The following SAP30L variants were observed in gnomAD, a reference collection of about 807,000 sequenced individuals.
The protein encoded by SAP30L is histone deacetylase complex subunit SAP30L.
SAP30L carries 10 observed loss-of-function variants against 22.3 expected under a neutral mutation model. The observed-to-expected ratio is 0.45, with a 90% CI of 0.28 to 0.76. SAP30L has a LOEUF of 0.76. SAP30L is among the 30% of genes least tolerant of loss of function. The pLI, the probability that SAP30L is intolerant of heterozygous loss-of-function variation, is 0.14. For missense variants in SAP30L, 206 were observed against 237.9 expected, an observed-to-expected ratio of 0.87 and a Z score of 0.88; for synonymous variants, 91 against 94.1, an observed-to-expected ratio of 0.97 and a Z score of 0.19.
rs1756980184 is a variant in SAP30L at position 154,446,001 on chromosome 5, T to G, written c.-604T>G. On this transcript the variant is annotated 5_prime_UTR_variant, in exon 1 of 4. Transcript: ENST00000297109. ...GGGCGGGGGGAGCGAACTGTTGTGGTGCGGAGCGTTCGGCGGGCGGCGGCC... is the reference window on the plus strand; with the variant it reads ...GGGCGGGGGGAGCGAACTGTTGTGGGGCGGAGCGTTCGGCGGGCGGCGGCC... The G allele has an allele frequency of 6.5e-6, 1 of 153,302 alleles. No homozygotes were observed. Among genetic ancestry groups the G allele is most frequent in the South Asian group, 2.1e-4 (1 of 4,866 alleles). The allele number at this position is 153,302 out of a possible 1,614,324, so 9.5% of individuals were successfully genotyped here.
rs547489038 is a variant in SAP30L at position 154,448,422 on chromosome 5, A to C, written c.201+1617A>C. Among the ~76,000 whole-genome samples, 16 of 152,336 alleles carry C rather than the reference A, an allele frequency of 1.1e-4. 1 individual carries two copies. In the South Asian group the frequency reaches 3.1e-3, roughly 30 times the overall value. On this transcript the variant is annotated intron_variant, in intron 1 of 3. Coordinates refer to ENST00000297109, the MANE Select transcript of SAP30L (RefSeq NM_024632.6). ...TCTTACTACAAATCTCTATCAATGA[A>C]TGCATGAATGGAAATATCTGAGAAC...
At chr5:154,455,180 A>G (rs923179107) in intron 3 of SAP30L, among the ~76,000 whole-genome samples, 17 of 152,098 alleles carry the variant, frequency 1.1e-4, no homozygotes, top group Non-Finnish European at 1.6e-4. Context: ...GGCCTCCCAA[A>G]GTGCTAGGAT....
intron 1 of SAP30L, among the ~76,000 whole-genome samples, chr5:154,447,896 A>G (rs994572575): frequency 2.6e-5 from 4 of 151,538 alleles, no homozygotes; most frequent in African/African-American, 7.3e-5. Context: ...AGCCCTATAC[A>G]TAAGTCTTCA....
At position 154,457,128 on chromosome 5, in the gene SAP30L, C is replaced by T. The variant is rs1757278778; in HGVS notation, c.*1100C>T. On this transcript the variant is annotated 3_prime_UTR_variant, in exon 4 of 4. Coordinates refer to ENST00000297109, the MANE Select transcript of SAP30L (RefSeq NM_024632.6). Reference sequence around the variant, plus strand: ...GATGCTCATTTTTGTGAACAATTTGCCTCCCTCTTAGGGAGAAAGATTGCT... The same window carrying T: ...GATGCTCATTTTTGTGAACAATTTGTCTCCCTCTTAGGGAGAAAGATTGCT... 1 of 152,104 alleles carries T rather than the reference C, an allele frequency of 6.6e-6. No individual in the cohort carries two copies. The highest frequency in any genetic ancestry group is 1.5e-5 in the Non-Finnish European group (1 of 68,014). The allele number at this position is 152,104 out of a possible 1,614,324, so 9.4% of individuals were successfully genotyped here. A position where few individuals can be genotyped will look rare whatever the true frequency, so the allele number is the denominator to read the frequency against.
rs1198063646 is a variant in SAP30L, at chr5:154,460,909, C to T, written c.*4881C>T. 1 of 152,104 alleles carries T rather than the reference C, an allele frequency of 6.6e-6. No individual in the cohort carries two copies. 9.4% of individuals were successfully genotyped at this position (152,104 alleles called of 1,614,324 possible). On this transcript the variant is annotated 3_prime_UTR_variant, in exon 4 of 4. Coordinates refer to ENST00000297109, the MANE Select transcript of SAP30L (RefSeq NM_024632.6). Reference sequence around the variant, plus strand: ...ATCTGGGGGATCATTTGTATTTTAACTTCGTAATCTATGGCTCTGTACTGT... The same window carrying T: ...ATCTGGGGGATCATTTGTATTTTAATTTCGTAATCTATGGCTCTGTACTGT...
chr5:154,451,167 G>A lies in SAP30L; in HGVS notation c.278G>A (p.Ser93Asn). ...SVRNKRKRKT[S>N]DDGGDSPEHD... is the part of the protein sequence containing the mutation. ...CGAAATAAAAGGAAGAGGAAGACAAGTGACGATGGCGGAGATTCTCCCGAG... is the reference window on the plus strand; with the variant it reads ...CGAAATAAAAGGAAGAGGAAGACAAATGACGATGGCGGAGATTCTCCCGAG... The change falls in exon 2 of 4, where the codon AGT becomes AAT. Residue 93 changes from serine to asparagine, a missense_variant. Physicochemically the swap from Ser to Asn is conservative, Grantham distance 46. Around this residue, in one of 2 missense-constraint regions of SAP30L, gnomAD observed 136 missense variants for 187.4 expected, o/e 0.73. Transcript: ENST00000297109. 1 of 1,614,184 alleles carries A rather than the reference G, an allele frequency of 6.2e-7. No homozygotes were observed. The highest frequency in any genetic ancestry group is 8.5e-7 in the Non-Finnish European group (1 of 1,180,028).
chr5:154,452,182 TAGAA>T (rs1757156590), intron 2 of SAP30L, among the ~76,000 whole-genome samples: 1 of 152,122 alleles, frequency 6.6e-6, no homozygotes, highest in Non-Finnish European at 1.5e-5. Context: ...TGTGTAGGAA[TAGAA>T]AGAGTAGGCG....
At chr5:154,451,978 T>A (rs1582041908) in intron 2 of SAP30L, among the ~76,000 whole-genome samples, 1 of 152,324 alleles carries the variant, frequency 6.6e-6, no homozygotes, top group South Asian at 2.1e-4. Context: ...CTTCTCAAAC[T>A]GGAAGGCTGC....
At chr5:154,448,152 T>G (rs920077117) in intron 1 of SAP30L, among the ~76,000 whole-genome samples, 1 of 152,058 alleles carries the variant, frequency 6.6e-6, no homozygotes, top group African/African-American at 2.4e-5. Flanking sequence ...ATTTTTGTAT[T>G]TTTAATGGAG....
In SAP30L at chr5:154,460,064, C is replaced by G. The variant is rs1757342284; in HGVS notation, c.*4036C>G. On this transcript the variant is annotated 3_prime_UTR_variant, in exon 4 of 4. Transcript: ENST00000297109. ...TTGACCTGTCTAGCATTCTTTCTTT[C>G]TGACCTATAGGATGACTCTAATTCA... 1.3e-5 allele frequency: 2 copies of G among 152,336 alleles called. No individual in the cohort carries two copies. Among genetic ancestry groups the G allele is most frequent in the African/African-American group, 4.8e-5 (2 of 41,574 alleles). 9.4% of individuals were successfully genotyped at this position (152,336 alleles called of 1,614,324 possible).
rs1250141749 is a variant in SAP30L, at chr5:154,456,142, G to A, written c.*114G>A. 4.6e-6 allele frequency: 5 copies of A among 1,077,048 alleles called. No individual in the cohort carries two copies. The highest frequency in any genetic ancestry group is 6.4e-6 in the Non-Finnish European group (5 of 778,018). 66.7% of individuals were successfully genotyped at this position (1,077,048 alleles called of 1,614,324 possible). A position where few individuals can be genotyped will look rare whatever the true frequency, so the allele number is the denominator to read the frequency against. The stretch of plus-strand genomic sequence containing the variant: ...TTATTGTAAATAAAAAAGTTTGAAT[G>A]ATGAATACTGTAAATCTTTTTGGTC... On this transcript the variant is annotated 3_prime_UTR_variant, in exon 4 of 4. Transcript: ENST00000297109.
intron 1 of SAP30L, among the ~76,000 whole-genome samples, chr5:154,450,571 C>T (rs1757116432): frequency 6.6e-6 from 1 of 152,162 alleles, no homozygotes; most frequent in African/African-American, 2.4e-5. Flanking sequence ...CCTTGAGGGA[C>T]TCTGTCTTGT....
intron 1 of SAP30L, among the ~76,000 whole-genome samples, chr5:154,449,211 G>C (rs931869505): frequency 6.6e-6 from 1 of 152,144 alleles, no homozygotes; most frequent in Non-Finnish European, 1.5e-5. Flanking sequence ...TCTGTGATCT[G>C]TTAAAATACT....
chr5:154,449,311 A>G (rs1757090445), intron 1 of SAP30L, among the ~76,000 whole-genome samples: 1 of 152,112 alleles, frequency 6.6e-6, no homozygotes, highest in Middle Eastern at 3.4e-3. Flanking sequence ...CTGGAGTAGG[A>G]AAAGACATGT....
intron 1 of SAP30L, among the ~76,000 whole-genome samples, chr5:154,447,549 T>C (rs1757048085): frequency 6.6e-6 from 1 of 152,252 alleles, no homozygotes; most frequent in South Asian, 2.1e-4. Context: ...GCTGTGCCTA[T>C]TGTCAACCAA....
In SAP30L at chr5:154,457,850, T is replaced by C. The variant is rs192312993; in HGVS notation, c.*1822T>C. On this transcript the variant is annotated 3_prime_UTR_variant, in exon 4 of 4. Coordinates refer to ENST00000297109, the MANE Select transcript of SAP30L (RefSeq NM_024632.6). ...TCACATTCACTATGTGTTTAGAGAT[T>C]CTCTCCCTGCTTACAGCTGAAGGAT... 1.9e-4 allele frequency: 29 copies of C among 152,296 alleles called. 1 individual carries two copies. In the East Asian group the frequency reaches 5.6e-3, roughly 29 times the overall value. The allele number at this position is 152,296 out of a possible 1,614,324, so 9.4% of individuals were successfully genotyped here. A position where few individuals can be genotyped will look rare whatever the true frequency, so the allele number is the denominator to read the frequency against.
chr5:154,449,259 C>A (rs1466954673), intron 1 of SAP30L, among the ~76,000 whole-genome samples: 6 of 150,834 alleles, frequency 4.0e-5, no homozygotes, highest in Admixed American at 4.0e-4. Context: ...CTTTTTTTTT[C>A]CTGGAGAAAA....
intron 3 of SAP30L, among the ~76,000 whole-genome samples, chr5:154,454,379 T>A (rs1162314937): frequency 6.8e-6 from 1 of 147,790 alleles, no homozygotes; most frequent in African/African-American, 2.4e-5. Flanking sequence ...TTGTCATTTC[T>A]GCAGGTATTT....
At chr5:154,450,291 G>T (rs7721908) in intron 1 of SAP30L, among the ~76,000 whole-genome samples, 24,843 of 152,244 alleles carry the variant, frequency 0.16, 2,429 homozygotes, top group African/African-American at 0.27. Context: ...GTTCTACCTT[G>T]TAAGAACTTC....
Sources: allele counts gnomAD v4.1 joint callset (sites outside exome capture counted in the v4.1 genomes callset), GRCh38; gene constraint gnomAD v4.1.1; regional missense constraint gnomAD v4.1.1; transcripts MANE v1.5; gene names NCBI Gene and HGNC (gene_info 2026-07-23, HGNC 2026-07-21).